FGL1: variants seen among roughly 807,000 people sequenced by gnomAD.
The protein encoded by FGL1 is fibrinogen like 1.
A neutral mutation model predicts 43.7 loss-of-function variants in FGL1; 59 were observed. The ratio of observed to expected loss-of-function variants is 1.35; its 90% confidence interval spans 1.10 to 1.68. The LOEUF (loss-of-function observed/expected upper bound fraction) is 1.68, where lower values mean the gene tolerates loss of function less well. Among genes scored for constraint, FGL1 ranks in the 40% most tolerant of loss-of-function variants. The pLI, the probability that FGL1 is intolerant of heterozygous loss-of-function variation, is 0.00. For missense variants in FGL1, 596 were observed against 373.0 expected (o/e 1.60, Z -4.92); for synonymous variants, 192 against 126.5 (o/e 1.52, Z -3.48).
Position 17,873,916 on chromosome 8 carries a change from A to T in FGL1, c.502+103T>A, listed in dbSNP as rs546245887. 194 of 681,794 alleles carry T rather than the reference A, an allele frequency of 2.8e-4. 2 individuals are homozygous for T. In the South Asian group the frequency reaches 5.1e-3, roughly 18 times the overall value. The allele number at this position is 681,794 out of a possible 1,614,324, so 42.2% of individuals were successfully genotyped here. Reference sequence around the variant, plus strand: ...GTTATCACTGCCATCTGCAAATCATAGCAATTATTGAATTAGTTCCATTGC... The same window carrying T: ...GTTATCACTGCCATCTGCAAATCATTGCAATTATTGAATTAGTTCCATTGC... On this transcript the variant is annotated intron_variant, in intron 5 of 7. Transcript: ENST00000427924.
intron 3 of FGL1, among the ~76,000 whole-genome samples, 166 bp downstream of exon 3, chr8:17,881,833 C>CAA (rs796756857): frequency 0.017 from 1,792 of 103,292 alleles, 45 homozygotes; most frequent in African/African-American, 0.05. Flanking sequence ...GACTCCGCCT[C>CAA]AAAAAAAAAA....
chr8:17,881,138 A>ATTTTTTTTTTTTTTTTTTTTTTTTT (rs34570292), intron 3 of FGL1, among the ~76,000 whole-genome samples: 7 of 142,964 alleles, frequency 4.9e-5, no homozygotes, highest in East Asian at 2.1e-4. Flanking sequence ...GTGTACACGG[A>ATTTTTTTTTTTTTTTTTTTTTTTTT]TTTTTTTTTT....
chr8:17,883,513 TATA>T (rs2053581652), intron 2 of FGL1, among the ~76,000 whole-genome samples: 1 of 133,324 alleles, frequency 7.5e-6, no homozygotes, highest in African/African-American at 2.8e-5. Flanking sequence ...TTATATATAA[TATA>T]ATGTAATATA....
rs529491434 is a variant in FGL1, at chr8:17,894,679, C to T, written c.-18+768G>A. Among the ~76,000 whole-genome samples the T allele has an allele frequency of 1.6e-4, 23 of 146,178 alleles. 6 individuals carry two copies. Among genetic ancestry groups the T allele is most frequent in the African/African-American group, 6.2e-4 (23 of 36,948 alleles). On this transcript the variant is annotated intron_variant, in intron 1 of 7. Transcript: ENST00000427924. The stretch of plus-strand genomic sequence containing the variant: ...AAGGAAATTATACAAAGTGAGACTC[C>T]ATCTCAAAAAACCAACAAACAAACG...
chr8:17,867,990 C>T (rs978925069), intron 7 of FGL1, among the ~76,000 whole-genome samples: 4 of 152,132 alleles, frequency 2.6e-5, no homozygotes, highest in Admixed American at 6.5e-5. Flanking sequence ...TATATACAAT[C>T]AAAAACGGAA....
chr8:17,895,402 A>G, intron 1 of FGL1, 45 bp downstream of exon 1: 3 of 1,275,012 alleles, frequency 2.4e-6, no homozygotes, highest in Admixed American at 2.3e-5. Flanking sequence ...ATAAATTAGC[A>G]TTATTACAAG....
rs1239868557 is a variant in FGL1, at chr8:17,874,108, T to C, written c.413A>G (p.Lys138Arg). The change falls in exon 5 of 8, where the codon AAA becomes AGA. Residue 138 changes from lysine (K) to arginine (R), a missense_variant. Coordinates refer to ENST00000427924, the MANE Select transcript of FGL1 (RefSeq NM_004467.4). The part of the protein sequence containing the change: ...DGSENFNRGW[K>R]DYENGFGNFV... Reference sequence around the variant, plus strand: ...ATTTCCAAAGCCATTTTCATAGTCTTTCCATCCTCTAAAAAAGGTAAAGTG... The same window carrying C: ...ATTTCCAAAGCCATTTTCATAGTCTCTCCATCCTCTAAAAAAGGTAAAGTG... 6.2e-7 allele frequency: 1 copy of C among 1,610,984 alleles called. No homozygotes were observed. The highest frequency in any genetic ancestry group is 1.1e-5 in the South Asian group (1 of 90,134).
chr8:17,882,239 T>C, intron 2 of FGL1, 60 bp from the exon 3 acceptor site: 1 of 1,451,430 alleles, frequency 6.9e-7, no homozygotes. Flanking sequence ...ACAAGTGCTT[T>C]TTAAACATTT....
chr8:17,873,936 C>T, intron 5 of FGL1, 83 bp downstream of exon 5: 1 of 853,636 alleles, frequency 1.2e-6, no homozygotes, highest in Admixed American at 3.0e-5. Flanking sequence ...GAATTAGTTC[C>T]ATTGCCTATA....
Position 17,867,998 on chromosome 8 carries a change from G to T in FGL1, c.779+550C>A, listed in dbSNP as rs117784260. Among the ~76,000 whole-genome samples, 1,050 of 152,244 alleles carry T rather than the reference G, an allele frequency of 6.9e-3. 6 individuals carry two copies. Among genetic ancestry groups the T allele is most frequent in the Non-Finnish European group, 0.012 (825 of 68,020 alleles). On this transcript the variant is annotated intron_variant, in intron 7 of 7. Transcript: ENST00000427924. ...AAGCAACTATATACAATCAAAAACGGAATGAATTTGCTGATAAAGTAACAT... is the reference window on the plus strand; with the variant it reads ...AAGCAACTATATACAATCAAAAACGTAATGAATTTGCTGATAAAGTAACAT...
intron 5 of FGL1, 57 bp from the exon 6 acceptor site, chr8:17,869,061 C>T (rs559066372): frequency 1.9e-6 from 2 of 1,067,594 alleles, no homozygotes; most frequent in South Asian, 2.9e-5. Context: ...ACACGGACTA[C>T]TGCGGTTTAA....
chr8:17,869,101 C>A (rs1000573691), intron 5 of FGL1, 97 bp from the exon 6 acceptor site: 2 of 691,100 alleles, frequency 2.9e-6, no homozygotes, highest in East Asian at 2.7e-5. Context: ...TTTAATTTTA[C>A]CATTTCCCTT....
chr8:17,889,105 T>C (rs1221416176), intron 1 of FGL1, among the ~76,000 whole-genome samples: 1 of 152,204 alleles, frequency 6.6e-6, no homozygotes, highest in Admixed American at 6.5e-5. Flanking sequence ...TCAAGTAGAA[T>C]GTACCTCTGC....
intron 1 of FGL1, among the ~76,000 whole-genome samples, chr8:17,888,136 C>G (rs1053813410): frequency 1.3e-5 from 2 of 151,742 alleles, no homozygotes; most frequent in East Asian, 1.9e-4. Flanking sequence ...AAAATATTTG[C>G]TTATGTTAAA....
chr8:17,885,616 T>C, intron 1 of FGL1, 45 bp from the exon 2 acceptor site: 1 of 1,547,224 alleles, frequency 6.5e-7, no homozygotes, highest in Non-Finnish European at 8.9e-7. Context: ...ACCTTGAATT[T>C]TTCATGAGAC....
chr8:17,870,175 C>T (rs555059983), intron 5 of FGL1, among the ~76,000 whole-genome samples: 196 of 152,112 alleles, frequency 1.3e-3, no homozygotes, highest in African/African-American at 4.6e-3. Context: ...TTTATATATG[C>T]TAAAGAATGA....
intron 3 of FGL1, among the ~76,000 whole-genome samples, chr8:17,878,322 T>C (rs1456666471): frequency 2.6e-5 from 4 of 152,170 alleles, no homozygotes; most frequent in Non-Finnish European, 4.4e-5. Context: ...TTCTCATTCT[T>C]CAGATGGGGA....
intron 5 of FGL1, among the ~76,000 whole-genome samples, chr8:17,869,368 A>C (rs1026382733): frequency 7.9e-5 from 12 of 152,162 alleles, no homozygotes; most frequent in African/African-American, 2.9e-4. Flanking sequence ...CTTTTTCTTG[A>C]TTTCAGTAAG....
intron 2 of FGL1, 104 bp downstream of exon 2, chr8:17,885,388 A>G: frequency 1.1e-6 from 1 of 938,344 alleles, no homozygotes; most frequent in Non-Finnish European, 1.6e-6. Context: ...CACATAGTTA[A>G]GTTTTTTCAA....
Sources: allele counts gnomAD v4.1 joint callset (sites outside exome capture counted in the v4.1 genomes callset), GRCh38; gene constraint gnomAD v4.1.1; transcripts MANE v1.5; gene names NCBI Gene and HGNC (gene_info 2026-07-23, HGNC 2026-07-21).